Variants in PDE4B observed in about 807,000 individuals in gnomAD.
The protein encoded by PDE4B is phosphodiesterase 4B, also known as 3',5'-cyclic-AMP phosphodiesterase 4B.
Under a neutral mutation model 82.2 loss-of-function variants are expected in PDE4B, and 20 were observed. That is an observed-to-expected ratio of 0.24 (90% CI 0.17 to 0.35). The LOEUF (loss-of-function observed/expected upper bound fraction) is 0.35, where lower values mean the gene tolerates loss of function less well. PDE4B is among the 10% of genes least tolerant of loss of function. The pLI is 1.00. For synonymous variants in PDE4B, 320 were observed against 318.9 expected, an observed-to-expected ratio of 1.00 and a Z score of -0.04; for missense variants, 655 against 907.2, an observed-to-expected ratio of 0.72 and a Z score of 3.57.
At chr1:66,186,182 C>A (rs983626026) in intron 3 of PDE4B, among the ~76,000 whole-genome samples, 3 of 152,094 alleles carry the variant, frequency 2.0e-5, no homozygotes, top group Non-Finnish European at 2.9e-5. Context: ...TCTTTCTGTT[C>A]CATTGGTCTA....
At chr1:66,336,803 G>A (rs1453131655) in intron 8 of PDE4B, among the ~76,000 whole-genome samples, 1 of 152,160 alleles carries the variant, frequency 6.6e-6, no homozygotes, top group African/African-American at 2.4e-5. Flanking sequence ...GGCTATGCAG[G>A]CTTATTTTTC....
chr1:66,205,842 G>T (rs1048341362), intron 3 of PDE4B, among the ~76,000 whole-genome samples: 4 of 152,176 alleles, frequency 2.6e-5, no homozygotes, highest in Non-Finnish European at 5.9e-5. Flanking sequence ...GTTTCCTTGA[G>T]CTCATGCCCT....
chr1:66,022,032 C>A (rs1653153615), intron 3 of PDE4B, among the ~76,000 whole-genome samples: 1 of 152,094 alleles, frequency 6.6e-6, no homozygotes, highest in Admixed American at 6.5e-5. Context: ...CTTCACATCC[C>A]TTGTAAGTTG....
chr1:66,281,335 T>A (rs184736812), intron 7 of PDE4B, among the ~76,000 whole-genome samples: 1 of 152,328 alleles, frequency 6.6e-6, no homozygotes, highest in Non-Finnish European at 1.5e-5. Flanking sequence ...CTCCCTTCTG[T>A]GCTGCGAGAG....
In PDE4B at chr1:66,168,614, C is replaced by T. The variant is rs551251872; in HGVS notation, c.282-78846C>T. Among the ~76,000 whole-genome samples, 10 of 152,250 alleles carry T rather than the reference C, an allele frequency of 6.6e-5. No homozygotes were observed. The South Asian group carries it at 1.2e-3, about 19-fold the overall frequency. ...AATGAGGAATGAGGACCGTACCTAC[C>T]GTCTTGGAGACCGTTGTAAGAACTT... is the stretch of plus-strand genomic sequence containing the variant. On this transcript the variant is annotated intron_variant, in intron 3 of 16. Coordinates refer to ENST00000341517, the MANE Select transcript of PDE4B (RefSeq NM_002600.4).
At chr1:65,924,530 C>G (rs551518873) in intron 3 of PDE4B, among the ~76,000 whole-genome samples, 1 of 152,106 alleles carries the variant, frequency 6.6e-6, no homozygotes, top group Non-Finnish European at 1.5e-5. Flanking sequence ...CTATCTATTA[C>G]TGCATAGCAA....
chr1:65,944,798 A>T lies in PDE4B; in HGVS notation c.281+25963A>T, dbSNP rs893000384. ...ATTTGGAGAGCATTTATGACTTCCC[A>T]TTTCCCCATAGGCCCTATGAATCTA... On this transcript the variant is annotated intron_variant, in intron 3 of 16. Transcript: ENST00000341517. Among the ~76,000 whole-genome samples, 39 of 151,814 alleles carry T rather than the reference A, an allele frequency of 2.6e-4. 1 individual carries two copies. The highest frequency in any genetic ancestry group is 9.4e-4 in the African/African-American group (39 of 41,344).
chr1:66,264,037 C>A (rs1209619534), intron 6 of PDE4B, among the ~76,000 whole-genome samples: 1 of 152,162 alleles, frequency 6.6e-6, no homozygotes, highest in Admixed American at 6.5e-5. Flanking sequence ...ACAAGTTGTT[C>A]CCTGCTCACA....
At chr1:65,988,926 T>C (rs1651098594) in intron 3 of PDE4B, among the ~76,000 whole-genome samples, 3 of 152,154 alleles carry the variant, frequency 2.0e-5, no homozygotes. Flanking sequence ...TCCAAAATAA[T>C]TGTATTACAA....
chr1:66,136,836 G>C lies in PDE4B; in HGVS notation c.282-110624G>C, dbSNP rs146374834. Among the ~76,000 whole-genome samples the C allele has an allele frequency of 4.0e-3, 613 of 152,128 alleles. 7 individuals carry two copies. The highest frequency in any genetic ancestry group is 0.014 in the African/African-American group (567 of 41,520). ...GAAGGACAGAGACAGAGAAGCAATG[G>C]TTGAGATAGAAGGAGAACCTGGAGA... On this transcript the variant is annotated intron_variant, in intron 3 of 16. Transcript: ENST00000341517.
intron 1 of PDE4B, among the ~76,000 whole-genome samples, chr1:65,852,749 T>A (rs1646346008): frequency 6.6e-6 from 1 of 152,088 alleles, no homozygotes; most frequent in African/African-American, 2.4e-5. Context: ...TGTGGTCAGA[T>A]ACATCTTTTG....
chr1:65,856,898 C>T (rs541358107), intron 1 of PDE4B, among the ~76,000 whole-genome samples: 1 of 152,160 alleles, frequency 6.6e-6, no homozygotes, highest in Non-Finnish European at 1.5e-5. Context: ...CTCCTTCCTT[C>T]GAAGTAGCCC....
At chr1:66,356,317 A>G (rs775907191) in intron 9 of PDE4B, among the ~76,000 whole-genome samples, 2 of 152,198 alleles carry the variant, frequency 1.3e-5, no homozygotes, top group African/African-American at 2.4e-5. Flanking sequence ...ATGGTCCTCA[A>G]CTATTGTCAT....
At chr1:66,216,345 T>G (rs1187045433) in intron 3 of PDE4B, among the ~76,000 whole-genome samples, 2 of 151,960 alleles carry the variant, frequency 1.3e-5, no homozygotes, top group Non-Finnish European at 2.9e-5. Context: ...GAACTCCTGA[T>G]GAATACAGTA....
At chr1:66,320,845 T>A (rs928122978) in intron 7 of PDE4B, among the ~76,000 whole-genome samples, 6 of 152,280 alleles carry the variant, frequency 3.9e-5, no homozygotes, top group South Asian at 2.1e-4. Context: ...AACCTCAGAA[T>A]ATTTAGAAAA....
chr1:66,177,866 T>C (rs1646966258), intron 3 of PDE4B, among the ~76,000 whole-genome samples: 1 of 152,138 alleles, frequency 6.6e-6, no homozygotes, highest in Admixed American at 6.6e-5. Context: ...CAGGAGTCGA[T>C]ACAGGCTTTG....
At chr1:65,926,438 C>T (rs1304785648) in intron 3 of PDE4B, among the ~76,000 whole-genome samples, 1 of 152,108 alleles carries the variant, frequency 6.6e-6, no homozygotes, top group Non-Finnish European at 1.5e-5. Flanking sequence ...TAAACTGAAG[C>T]TTCTGATGAT....
chr1:65,915,502 T>G (rs1647149306), intron 2 of PDE4B, among the ~76,000 whole-genome samples: 1 of 152,170 alleles, frequency 6.6e-6, no homozygotes, highest in Non-Finnish European at 1.5e-5. Flanking sequence ...CACTATGAGT[T>G]TAACCAAAAG....
chr1:66,124,918 C>T (rs200011574), intron 3 of PDE4B, among the ~76,000 whole-genome samples: 19 of 148,100 alleles, frequency 1.3e-4, no homozygotes, highest in East Asian at 6.0e-4. Flanking sequence ...TGTGTGTATG[C>T]GTGTGTGTGT....
Sources: gnomAD v4.1 joint callset for allele counts (sites outside exome capture counted in the v4.1 genomes callset) on GRCh38, gnomAD v4.1.1 for gene constraint, MANE v1.5 for transcripts, NCBI Gene and HGNC (gene_info 2026-07-23, HGNC 2026-07-21) for gene names.